Variants in MYO5B observed in about 807,000 individuals in gnomAD.
MYO5B encodes unconventional myosin-Vb.
A neutral mutation model predicts 229.3 loss-of-function variants in MYO5B; 143 were observed. The observed-to-expected ratio is 0.62, with a 90% CI of 0.54 to 0.72. The LOEUF (loss-of-function observed/expected upper bound fraction) is 0.72, where lower values mean the gene tolerates loss of function less well. Among genes scored for constraint, MYO5B ranks in the 30% least tolerant of loss-of-function variants. MYO5B has a pLI of 0.00. For missense variants in MYO5B, 2,321 were observed against 2,331.0 expected (o/e 1.00, Z 0.09); for synonymous variants, 918 against 885.2 (o/e 1.04, Z -0.66).
chr18:50,175,208 G>A (rs879357733), intron 1 of MYO5B, among the ~76,000 whole-genome samples: 4 of 152,160 alleles, frequency 2.6e-5, no homozygotes, highest in Non-Finnish European at 4.4e-5. Context: ...GGTGGCAGAC[G>A]CCACACCATG....
chr18:49,938,923 C>G (rs797011320), intron 14 of MYO5B, among the ~76,000 whole-genome samples: 2 of 151,728 alleles, frequency 1.3e-5, no homozygotes, highest in East Asian at 3.9e-4. Context: ...CCCACAGGCT[C>G]TGTGGTGTCC....
intron 29 of MYO5B, among the ~76,000 whole-genome samples, chr18:49,859,736 A>G (rs899225497): frequency 1.3e-5 from 2 of 152,170 alleles, no homozygotes; most frequent in African/African-American, 4.8e-5. Context: ...AACATAAGGA[A>G]ATGATCACCT....
chr18:49,997,671 A>T (rs1422954679), intron 5 of MYO5B, among the ~76,000 whole-genome samples: 1 of 152,162 alleles, frequency 6.6e-6, no homozygotes, highest in Admixed American at 6.5e-5. Context: ...ACAGGGTCAG[A>T]GAGTGCTGGT....
At chr18:50,181,044 G>C (rs2033066651) in intron 1 of MYO5B, among the ~76,000 whole-genome samples, 1 of 152,216 alleles carries the variant, frequency 6.6e-6, no homozygotes, top group Non-Finnish European at 1.5e-5. Flanking sequence ...GGGGAAGAGA[G>C]TAAAAAGAGT....
intron 1 of MYO5B, among the ~76,000 whole-genome samples, chr18:50,132,522 C>G (rs2032269998): frequency 1.3e-5 from 2 of 152,326 alleles, no homozygotes; most frequent in South Asian, 2.1e-4. Context: ...TCTAGGCCGA[C>G]AAGTCCAGTC....
Position 49,875,739 on chromosome 18 carries a change from T to G in MYO5B, c.3485A>C (p.Lys1162Thr). ...RVRELEQERK[K>T]LQVQLEKREQ... ...TCTCTTCTCCAGCTGCACTTGCAGCTTTTTCCTCTCCTGCTCCAGCTCCCG... is the reference window on the plus strand; with the variant it reads ...TCTCTTCTCCAGCTGCACTTGCAGCGTTTTCCTCTCCTGCTCCAGCTCCCG... The change falls in exon 26 of 40, where the codon AAG becomes ACG. Residue 1162 changes from lysine to threonine, a missense_variant. Lys to Thr is a moderately conservative substitution (Grantham distance 78). Coordinates refer to ENST00000285039, the MANE Select transcript of MYO5B (RefSeq NM_001080467.3). The G allele has an allele frequency of 6.2e-7, 1 of 1,614,166 alleles. No homozygotes were observed. The highest frequency in any genetic ancestry group is 8.5e-7 in the Non-Finnish European group (1 of 1,180,022).
chr18:50,073,769 C>T (rs1489297556), intron 1 of MYO5B, among the ~76,000 whole-genome samples: 1 of 152,116 alleles, frequency 6.6e-6, no homozygotes, highest in Admixed American at 6.5e-5. Flanking sequence ...CCTAGTCTTT[C>T]CCACCTCAGA....
intron 4 of MYO5B, among the ~76,000 whole-genome samples, chr18:50,002,975 G>A (rs1276005066): frequency 6.6e-6 from 1 of 152,170 alleles, no homozygotes; most frequent in Non-Finnish European, 1.5e-5. Context: ...TATCAGCACA[G>A]GGGAATGAAT....
chr18:49,871,623 CTG>C (rs2024456904), intron 27 of MYO5B: 1 of 189,078 alleles, frequency 5.3e-6, no homozygotes. Flanking sequence ...CTGTAACAGA[CTG>C]TGAACAGTCC....
intron 4 of MYO5B, among the ~76,000 whole-genome samples, chr18:50,007,600 A>C (rs1308006436): frequency 6.6e-6 from 1 of 152,188 alleles, no homozygotes; most frequent in Non-Finnish European, 1.5e-5. Flanking sequence ...GCTTCAGTGC[A>C]TGCCACTCTT....
At chr18:49,890,591 G>A (rs780453346) in intron 22 of MYO5B, among the ~76,000 whole-genome samples, 1 of 152,142 alleles carries the variant, frequency 6.6e-6, no homozygotes, top group African/African-American at 2.4e-5. Flanking sequence ...TGTAGCTAGG[G>A]GCTTTGTTTT....
intron 1 of MYO5B, among the ~76,000 whole-genome samples, chr18:50,127,564 T>C (rs1056072076): frequency 6.6e-6 from 1 of 152,184 alleles, no homozygotes; most frequent in African/African-American, 2.4e-5. Flanking sequence ...TGCTGAGCCC[T>C]GGTGGAGCGC....
intron 1 of MYO5B, among the ~76,000 whole-genome samples, chr18:50,109,260 T>C (rs117346410): frequency 0.046 from 7,052 of 152,188 alleles, 210 homozygotes; most frequent in Non-Finnish European, 0.072. Flanking sequence ...AAATGGAATT[T>C]GTTACGGGAC....
chr18:50,077,502 A>AACAC (rs60086500), intron 1 of MYO5B, among the ~76,000 whole-genome samples: 11,735 of 133,400 alleles, frequency 0.088, 564 homozygotes, highest in Admixed American at 0.18. Flanking sequence ...CACACACACA[A>AACAC]ACACACACAC....
rs753280237 is a variant in MYO5B, at chr18:49,904,665, T to C, written c.2571+7A>G. 14 of 1,613,638 alleles carry C rather than the reference T, an allele frequency of 8.7e-6. No individual in the cohort carries two copies. The highest frequency in any genetic ancestry group is 5.3e-5 in the African/African-American group (4 of 74,934). On this transcript the variant is annotated splice_region_variant and intron_variant, in intron 20 of 39. Transcript: ENST00000285039. ...GCAGCCCTGAGGCCCTCAGAGTGGC[T>C]ACTCACCTGGCGGTAGGTTCTCCGC...
At position 49,974,324 on chromosome 18, in the gene MYO5B, T is replaced by C. The variant is rs575218957; in HGVS notation, c.1322+26A>G. The C allele has an allele frequency of 8.7e-6, 14 of 1,614,106 alleles. No homozygotes were observed. The East Asian group carries it at 1.1e-4, about 13-fold the overall frequency. On this transcript the variant is annotated intron_variant, in intron 10 of 39. Transcript: ENST00000285039. ...CAGGAAGCCACTCCCAGGTAGCAGA[T>C]AGAGCGAGACAGGCGGCAGGCCTAC...
At chr18:49,908,875 A>G (rs535682217) in intron 18 of MYO5B, among the ~76,000 whole-genome samples, 48 of 152,364 alleles carry the variant, frequency 3.2e-4, no homozygotes, top group Non-Finnish European at 6.5e-4. Flanking sequence ...GTTAAGAATG[A>G]TAGGGGCTAT....
In MYO5B at chr18:50,069,283, C is replaced by CTT. The variant is rs1204592678; in HGVS notation, c.28-13907_28-13906dup. 2.6e-5 allele frequency among the ~76,000 whole-genome samples: 4 copies of CTT among 152,278 alleles called. No individual in the cohort carries two copies. The East Asian group carries it at 7.7e-4, about 29-fold the overall frequency. ...CTGTCTGTGTTTAACAGAGAACCTT[C>CTT]TTATTTGGGTTAACGCTGAGCTCTG... is the stretch of plus-strand genomic sequence containing the variant. On this transcript the variant is annotated intron_variant, in intron 1 of 39. Coordinates refer to ENST00000285039, the MANE Select transcript of MYO5B (RefSeq NM_001080467.3).
In MYO5B at chr18:49,937,365, G is replaced by C. The variant is rs199774365; in HGVS notation, c.1785C>G (p.Asp595Glu). 1 of 1,614,138 alleles carries C rather than the reference G, an allele frequency of 6.2e-7. No individual in the cohort carries two copies. Among genetic ancestry groups the C allele is most frequent in the Non-Finnish European group, 8.5e-7 (1 of 1,179,978 alleles). ...FPLVADLFHD[D>E]KDPVPATTPG... The stretch of plus-strand genomic sequence containing the variant: ...GGGTGGTGGCAGGAACAGGGTCCTT[G>C]TCATCATGAAACAAGTCAGCCACTA... Residue 595 changes from aspartate to glutamate, a missense_variant, in exon 15 of 40, where the codon GAC becomes GAG. Physicochemically the swap from Asp to Glu is conservative, Grantham distance 45. Coordinates refer to ENST00000285039, the MANE Select transcript of MYO5B (RefSeq NM_001080467.3).
Sources: gnomAD v4.1 joint callset for allele counts (sites outside exome capture counted in the v4.1 genomes callset) on GRCh38, gnomAD v4.1.1 for gene constraint, MANE v1.5 for transcripts, NCBI Gene and HGNC (gene_info 2026-07-23, HGNC 2026-07-21) for gene names.